The following PRIM2 variants were observed in gnomAD, a reference collection of about 807,000 sequenced individuals.
PRIM2 encodes the protein DNA primase large subunit.
PRIM2 carries 39 observed loss-of-function variants against 67.3 expected under a neutral mutation model. The ratio of observed to expected loss-of-function variants is 0.58; its 90% CI spans 0.45 to 0.76. PRIM2 has a LOEUF of 0.76. Among genes scored for constraint, PRIM2 ranks in the 30% least tolerant of loss-of-function variants. The probability of loss-of-function intolerance (pLI) is 0.00; values close to 1 mark genes in which losing one functional copy is unlikely to be tolerated. For missense variants in PRIM2, 398 were observed against 598.7 expected, an observed-to-expected ratio of 0.66 and a Z score of 3.50; for synonymous variants, 143 against 198.7, an observed-to-expected ratio of 0.72 and a Z score of 2.36.
intron 10 of PRIM2, among the ~76,000 whole-genome samples, chr6:57,580,249 A>G (rs1776056516): frequency 6.6e-6 from 1 of 152,214 alleles, no homozygotes; most frequent in South Asian, 2.1e-4. Flanking sequence ...TTTACAAAAA[A>G]TAAAATTAGT....
chr6:57,272,086 G>A, the PRIM2 span, among the ~76,000 whole-genome samples: 1 of 152,188 alleles, frequency 6.6e-6, no homozygotes, highest in Non-Finnish European at 1.5e-5. Context: ...GTGTGGTGCT[G>A]AAAGGAACGT....
Position 57,537,527 on chromosome 6 carries a change from C to T in PRIM2, c.922C>T (p.Gln308Ter), listed in dbSNP as rs1741634915. The T allele has an allele frequency of 1.9e-6, 3 of 1,582,066 alleles. No individual in the cohort carries two copies. The highest frequency in any genetic ancestry group is 2.6e-6 in the Non-Finnish European group (3 of 1,155,156). ...NHHLRHGGRMQYGLFLKGIGL... is the reference protein window; with the variant it reads ...NHHLRHGGRM ...CCATCTTCGTCATGGAGGCCGAATG[C>T]AGTATGGCCTATTTCTGAAGGGCAT... The change falls in exon 10 of 14, where the codon CAG becomes TAG. Residue 308 changes from glutamine to a stop codon, truncating the protein, a stop_gained. Transcript: ENST00000615550. LOFTEE classifies it high-confidence loss of function.
chr6:57,390,259 T>G (rs1179360205), intron 7 of PRIM2: 1 of 153,794 alleles, frequency 6.5e-6, no homozygotes, highest in African/African-American at 2.4e-5. Flanking sequence ...ATATGCTCTT[T>G]CTAGTTTGAC....
chr6:57,640,601 C>G (rs1352020893), intron 13 of PRIM2, among the ~76,000 whole-genome samples: 27 of 152,086 alleles, frequency 1.8e-4, no homozygotes, highest in African/African-American at 5.8e-4. Flanking sequence ...AATAGAGAAC[C>G]AAATCATGAG....
At chr6:57,411,721 A>G (rs552891588) in intron 7 of PRIM2, among the ~76,000 whole-genome samples, 1 of 152,266 alleles carries the variant, frequency 6.6e-6, no homozygotes, top group South Asian at 2.1e-4. Context: ...CTTTTTTTAT[A>G]TATTACTGAA....
At chr6:57,266,159 A>G in the PRIM2 span, among the ~76,000 whole-genome samples, 5 of 152,240 alleles carry the variant, frequency 3.3e-5, no homozygotes, top group East Asian at 7.7e-4. Flanking sequence ...TACTCTAAAT[A>G]TAAAGTAGCT....
chr6:57,512,271 A>T (rs1183967811), intron 8 of PRIM2, among the ~76,000 whole-genome samples: 54 of 152,230 alleles, frequency 3.5e-4, no homozygotes, highest in Non-Finnish European at 7.3e-4. Context: ...AAAGGACTGC[A>T]TCTGTGAGCT....
chr6:57,458,558 A>T (rs866740231), intron 7 of PRIM2, among the ~76,000 whole-genome samples: 4 of 152,104 alleles, frequency 2.6e-5, no homozygotes, highest in Non-Finnish European at 5.9e-5. Flanking sequence ...GGTGGTGGGC[A>T]CCTGTAATCC....
chr6:57,344,831 A>T (rs1581811654), intron 5 of PRIM2, among the ~76,000 whole-genome samples: 1 of 152,128 alleles, frequency 6.6e-6, no homozygotes, highest in East Asian at 1.9e-4. Context: ...TTTTCTAATC[A>T]ACCTACAAAA....
chr6:57,645,200 C>A (rs1777312872), intron 13 of PRIM2, among the ~76,000 whole-genome samples: 1 of 151,822 alleles, frequency 6.6e-6, no homozygotes, highest in Non-Finnish European at 1.5e-5. Context: ...ATTTTACGAT[C>A]ACTTAAAAAC....
At chr6:57,508,313 T>TC (rs1312868726) in intron 8 of PRIM2, among the ~76,000 whole-genome samples, 1 of 152,082 alleles carries the variant, frequency 6.6e-6, no homozygotes, top group African/African-American at 2.4e-5. Context: ...GACTATTTTT[T>TC]CCATTTTTAT....
intron 7 of PRIM2, among the ~76,000 whole-genome samples, chr6:57,386,909 G>A (rs1297465092): frequency 1.3e-5 from 2 of 152,148 alleles, no homozygotes; most frequent in East Asian, 3.8e-4. Context: ...GGTTCTGGGG[G>A]AAGTTGTAAA....
intron 4 of PRIM2, among the ~76,000 whole-genome samples, chr6:57,324,524 C>T (rs1433436093): frequency 1.3e-5 from 2 of 152,080 alleles, no homozygotes; most frequent in Non-Finnish European, 2.9e-5. Flanking sequence ...GAGATAGACT[C>T]TTCATTTGGG....
chr6:57,227,781 A>G, the PRIM2 span, among the ~76,000 whole-genome samples: 1 of 152,178 alleles, frequency 6.6e-6, no homozygotes, highest in Non-Finnish European at 1.5e-5. Flanking sequence ...GGTAGTTTTG[A>G]TACAAGAATC....
chr6:57,634,079 T>C (rs1777079199), intron 13 of PRIM2, among the ~76,000 whole-genome samples: 1 of 152,228 alleles, frequency 6.6e-6, no homozygotes. Flanking sequence ...TCACACTACT[T>C]ATAGGGGATA....
intron 10 of PRIM2, among the ~76,000 whole-genome samples, chr6:57,584,690 C>T (rs1776157742): frequency 6.6e-6 from 1 of 152,232 alleles, no homozygotes; most frequent in African/African-American, 2.4e-5. Context: ...CAATTTTTAA[C>T]ACCTTTTCAG....
chr6:57,488,748 T>C (rs1304133610), intron 7 of PRIM2, among the ~76,000 whole-genome samples: 2 of 152,148 alleles, frequency 1.3e-5, no homozygotes, highest in East Asian at 1.9e-4. Context: ...TTTACTCACA[T>C]AGAGAAGAGG....
chr6:57,621,187 C>T (rs1776847210), intron 12 of PRIM2, among the ~76,000 whole-genome samples: 1 of 152,166 alleles, frequency 6.6e-6, no homozygotes, highest in Non-Finnish European at 1.5e-5. Context: ...GCTGAGAAGT[C>T]CAAGGTTGAG....
chr6:57,439,564 C>T (rs76349222), intron 7 of PRIM2, among the ~76,000 whole-genome samples: 13 of 151,338 alleles, frequency 8.6e-5, no homozygotes, highest in South Asian at 2.1e-4. Flanking sequence ...TACAGGCACC[C>T]GCCACCACGC....
Sources: gnomAD v4.1 joint callset for allele counts (sites outside exome capture counted in the v4.1 genomes callset) on GRCh38, gnomAD v4.1.1 for gene constraint, MANE v1.5 for transcripts, NCBI Gene and HGNC (gene_info 2026-07-23, HGNC 2026-07-21) for gene names.